The following TRIM39 variants were observed in gnomAD, a reference collection of about 807,000 sequenced individuals.
TRIM39 encodes tripartite motif containing 39, also known as E3 ubiquitin-protein ligase TRIM39.
A neutral mutation model predicts 53.6 loss-of-function variants in TRIM39; 5 were observed. The observed-to-expected ratio is 0.09, with a 90% CI of 0.05 to 0.20. The LOEUF (loss-of-function observed/expected upper bound fraction) is 0.20, where lower values mean the gene tolerates loss of function less well. TRIM39 is among the 10% of genes least tolerant of loss of function. The pLI is 1.00. For synonymous variants in TRIM39, 196 were observed against 237.6 expected, an observed-to-expected ratio of 0.82 and a Z score of 1.61; for missense variants, 310 against 621.0, an observed-to-expected ratio of 0.50 and a Z score of 5.32.
intron 4 of TRIM39, among the ~76,000 whole-genome samples, chr6:30,333,650 C>T (rs1009375609): frequency 1.3e-5 from 2 of 151,594 alleles, no homozygotes; most frequent in African/African-American, 2.4e-5. Context: ...CGTGAGCCAC[C>T]GTGCCTGGCC....
chr6:30,334,050 AT>A (rs1786556488), intron 4 of TRIM39, among the ~76,000 whole-genome samples: 1 of 152,180 alleles, frequency 6.6e-6, no homozygotes, highest in Non-Finnish European at 1.5e-5. Context: ...GTGAGAATAT[AT>A]TTTGTTCAGA....
rs1487677719 is a variant in TRIM39 at position 30,339,303 on chromosome 6, C to T, written c.781-605C>T. 6.6e-6 allele frequency among the ~76,000 whole-genome samples: 1 copy of T among 152,032 alleles called. No homozygotes were observed. The highest frequency in any genetic ancestry group is 1.9e-4 in the East Asian group (1 of 5,196). On this transcript the variant is annotated intron_variant, in intron 5 of 7. Coordinates refer to ENST00000396551, the Ensembl canonical transcript of TRIM39. The surrounding 1 kb of genome is among the most constrained non-coding windows in gnomAD (Gnocchi z 4.2). The stretch of plus-strand genomic sequence containing the variant: ...AGCTGGGGTTACAGGCGCACACCAC[C>T]ACACCTGGCTAATTTTTGTATTTTT...
At position 30,335,768 on chromosome 6, in the gene TRIM39, G is replaced by A; in HGVS notation, c.573G>A (p.Gln191=). The change falls in exon 5 of 8, where the codon CAG becomes CAA. Residue 191 remains glutamine, a synonymous_variant. Transcript: ENST00000396551. This position sits in a 1 kb window ranked among gnomAD's most constrained non-coding sequence, Gnocchi z 4.7. ...AGAGACTAGTGGAAAGTCGCCGACA[G>A]CAGATCTTGAGGGAGTTTGAAGAGC... is the stretch of plus-strand genomic sequence containing the variant. 6.2e-7 allele frequency: 1 copy of A among 1,613,032 alleles called. No individual in the cohort carries two copies. The highest frequency in any genetic ancestry group is 8.5e-7 in the Non-Finnish European group (1 of 1,180,022).
intron 7 of TRIM39, chr6:30,341,457 G>A (rs758388500): frequency 9.8e-5 from 70 of 714,656 alleles, no homozygotes; most frequent in Non-Finnish European, 8.3e-5. Flanking sequence ...GAGAGGACCA[G>A]GCGGGAACCT....
intron 2 of TRIM39, 79 bp downstream of exon 2, chr6:30,329,120 C>T (rs1020990847): frequency 1.5e-6 from 1 of 669,382 alleles, no homozygotes; most frequent in Non-Finnish European, 2.4e-6. Flanking sequence ...CTGGGAGTCA[C>T]AAGTTTTGAA....
exon 8 of TRIM39, chr6:30,343,059 A>C (rs1787728398): frequency 6.5e-6 from 1 of 152,710 alleles, no homozygotes. Context: ...AAAGTGGAAG[A>C]GATCCTGCAA....
Position 30,339,942 on chromosome 6 carries a change from T to G in TRIM39, c.803+12T>G. ...AGTACCCTGGAAAAGTAAGTGATTG[T>G]TGTATCTCTCTGAGTGAGTTAGGTC... On this transcript the variant is annotated intron_variant, in intron 6 of 7. Transcript: ENST00000396551. This position sits in a 1 kb window ranked among gnomAD's most constrained non-coding sequence, Gnocchi z 4.2. 1 of 1,614,172 alleles carries G rather than the reference T, an allele frequency of 6.2e-7. No homozygotes were observed. The highest frequency in any genetic ancestry group is 8.5e-7 in the Non-Finnish European group (1 of 1,180,030).
chr6:30,341,658 G>A lies in TRIM39; in HGVS notation c.920-54G>A, dbSNP rs563448686. 61 of 1,549,274 alleles carry A rather than the reference G, an allele frequency of 3.9e-5. No homozygotes were observed. In the African/African-American group the frequency reaches 8.1e-4, roughly 21 times the overall value. On this transcript the variant is annotated intron_variant, in intron 7 of 7. Coordinates refer to ENST00000396551, the Ensembl canonical transcript of TRIM39. The stretch of plus-strand genomic sequence containing the variant: ...GGCAGGCTGGAAGAGTGAGGCAGGG[G>A]CATTTAGCTATTCCCATCCTCATCT...
chr6:30,329,817 C>T (rs190110235), intron 3 of TRIM39, 47 bp downstream of exon 3: 1,841 of 1,582,548 alleles, frequency 1.2e-3, no homozygotes, highest in Non-Finnish European at 1.5e-3. Flanking sequence ...AAGGGAGAAG[C>T]GGCAGAGGAT....
chr6:30,343,219 C>T (rs893513389), exon 8 of TRIM39: 9 of 152,656 alleles, frequency 5.9e-5, no homozygotes, highest in African/African-American at 1.9e-4. Flanking sequence ...TCTTACCTGG[C>T]CAAGGTGTCC....
rs745944525 is a variant in TRIM39 at position 30,335,875 on chromosome 6, G to A, written c.680G>A (p.Arg227Gln). 4 of 1,613,054 alleles carry A rather than the reference G, an allele frequency of 2.5e-6. No homozygotes were observed. Among genetic ancestry groups the A allele is most frequent in the East Asian group, 2.2e-5 (1 of 44,886 alleles). ...GAACAGGACATTCTGCAGCGACTCC[G>A]AGAAAATGCTGCTCACCTTGGGGAC... The change falls in exon 5 of 8, where the codon CGA becomes CAA. Residue 227 changes from arginine (R) to glutamine (Q), a missense_variant. Transcript: ENST00000396551. The surrounding 1 kb of genome is among the most constrained non-coding windows in gnomAD (Gnocchi z 4.7).
At chr6:30,334,629 A>G (rs762072822) in intron 4 of TRIM39, among the ~76,000 whole-genome samples, 6 of 152,116 alleles carry the variant, frequency 3.9e-5, no homozygotes, top group African/African-American at 9.7e-5. Context: ...TGATTCTTAC[A>G]CTTTCCCAGT....
In TRIM39 at chr6:30,342,655, C is replaced by T. The variant is rs1426302445; in HGVS notation, c.*396C>T. The T allele has an allele frequency of 1.9e-5, 5 of 268,816 alleles. No individual in the cohort carries two copies. In the East Asian group the frequency reaches 4.1e-4, roughly 22 times the overall value. 16.7% of individuals were successfully genotyped at this position (268,816 alleles called of 1,614,324 possible). Reference sequence around the variant, plus strand: ...ACATCTTTTTAGGGGGTTCTTTGACCCAGGATAGTCTTGCTTCTTGAGGTA... The same window carrying T: ...ACATCTTTTTAGGGGGTTCTTTGACTCAGGATAGTCTTGCTTCTTGAGGTA... On this transcript the variant is annotated 3_prime_UTR_variant, in exon 8 of 8. Coordinates refer to ENST00000396551, the Ensembl canonical transcript of TRIM39. The surrounding 1 kb of genome is among the most constrained non-coding windows in gnomAD (Gnocchi z 4.7).
At chr6:30,332,695 A>G (rs1786328123) in intron 4 of TRIM39, among the ~76,000 whole-genome samples, 1 of 152,178 alleles carries the variant, frequency 6.6e-6, no homozygotes, top group Non-Finnish European at 1.5e-5. Context: ...CATGTTGATC[A>G]CCTTCTTGAA....
At chr6:30,330,164 C>T (rs916129172) in intron 3 of TRIM39, among the ~76,000 whole-genome samples, 9 of 152,206 alleles carry the variant, frequency 5.9e-5, no homozygotes, top group African/African-American at 1.7e-4. Flanking sequence ...TAGGTAATAT[C>T]GCTTGAGACT....
Position 30,335,808 on chromosome 6 carries a change from G to T in TRIM39, c.613G>T (p.Asp205Tyr). The T allele has an allele frequency of 6.2e-7, 1 of 1,613,076 alleles. No homozygotes were observed. Among genetic ancestry groups the T allele is most frequent in the Non-Finnish European group, 8.5e-7 (1 of 1,180,038 alleles). The change falls in exon 5 of 8, where the codon GAT becomes TAT. Residue 205 changes from aspartate (D) to tyrosine (Y), a missense_variant. Coordinates refer to ENST00000396551, the Ensembl canonical transcript of TRIM39. The surrounding 1 kb of genome is among the most constrained non-coding windows in gnomAD (Gnocchi z 4.7). ...GTTTGAAGAGCTTCATAGGCGGCTG[G>T]ATGAAGAGCAGCAGGTGTTGCTTTC...
At chr6:30,340,741 C>T (rs968168581) in intron 7 of TRIM39, 121 bp downstream of exon 7, 5 of 1,036,138 alleles carry the variant, frequency 4.8e-6, no homozygotes, top group Non-Finnish European at 6.9e-6. Context: ...CACACACCTA[C>T]CCCTTTATCT....
chr6:30,332,044 C>T (rs540626442), intron 4 of TRIM39, among the ~76,000 whole-genome samples: 41 of 152,188 alleles, frequency 2.7e-4, no homozygotes, highest in Non-Finnish European at 4.4e-4. Flanking sequence ...CTGAGGCCAT[C>T]TTTAGTAAGA....
chr6:30,331,686 C>A (rs1341453724), intron 4 of TRIM39, among the ~76,000 whole-genome samples: 1 of 152,186 alleles, frequency 6.6e-6, no homozygotes, highest in Non-Finnish European at 1.5e-5. Flanking sequence ...TCCCCCTCCC[C>A]ATCCTCCACC....
Sources: allele counts gnomAD v4.1 joint callset (sites outside exome capture counted in the v4.1 genomes callset), GRCh38; gene constraint gnomAD v4.1.1; non-coding constraint Gnocchi (gnomAD v3.1); transcripts MANE v1.5; gene names NCBI Gene and HGNC (gene_info 2026-07-23, HGNC 2026-07-21).